Variants in PPARA observed in about 807,000 individuals in gnomAD.
The protein encoded by PPARA is peroxisome proliferator-activated receptor alpha.
In PPARA, 22 loss-of-function variants were observed where a neutral mutation model predicts 42.2. That is an observed-to-expected ratio of 0.52 (90% CI 0.37 to 0.74). The LOEUF (loss-of-function observed/expected upper bound fraction) is 0.74. Among genes scored for constraint, PPARA ranks in the 30% least tolerant of loss-of-function variants. PPARA has a pLI of 0.00. For synonymous variants in PPARA, 242 were observed against 239.3 expected (o/e 1.01, Z -0.10); for missense variants, 465 against 608.2 (o/e 0.76, Z 2.48).
intron 4 of PPARA, among the ~76,000 whole-genome samples, chr22:46,213,921 C>T (rs1435143353): frequency 6.6e-6 from 1 of 152,182 alleles, no homozygotes; most frequent in East Asian, 1.9e-4. Context: ...TGTTTTAAGA[C>T]CTCTTTGTAT....
chr22:46,164,522 G>A (rs1438554041), intron 2 of PPARA: 3 of 152,222 alleles, frequency 2.0e-5, no homozygotes, highest in South Asian at 4.1e-4. Context: ...CAAAGTGCTG[G>A]GATTACAGGC....
rs996973642 is a variant in PPARA, at chr22:46,227,431, T to C, written c.712-4361T>C. On this transcript the variant is annotated intron_variant, in intron 7 of 8. Transcript: ENST00000407236. The surrounding 1 kb of genome is among the most constrained non-coding windows in gnomAD (Gnocchi z 4.3). ...CACACCCGACTAATTTTTGTATTTT[T>C]AGTAGACACGGGCTTTTGCCATGTT... 6.6e-6 allele frequency among the ~76,000 whole-genome samples: 1 copy of C among 152,200 alleles called. No homozygotes were observed. Among genetic ancestry groups the C allele is most frequent in the Non-Finnish European group, 1.5e-5 (1 of 68,038 alleles).
rs1166509318 is a variant in PPARA, at chr22:46,238,957, T to G, written c.*3577T>G. On this transcript the variant is annotated 3_prime_UTR_variant, in exon 9 of 9. Coordinates refer to ENST00000407236, the MANE Select transcript of PPARA (RefSeq NM_005036.6). This position sits in a 1 kb window ranked among gnomAD's most constrained non-coding sequence, Gnocchi z 8.3. ...TTTCTTCCCACCTCGCTTGCCTGTT[T>G]CCGCTTGACCCTTCCTCCAGCTCCG... The G allele has an allele frequency of 6.6e-6, 1 of 152,264 alleles. No homozygotes were observed. The highest frequency in any genetic ancestry group is 1.9e-4 in the East Asian group (1 of 5,192). The allele number at this position is 152,264 out of a possible 1,614,324, so 9.4% of individuals were successfully genotyped here. A position where few individuals can be genotyped will look rare whatever the true frequency, so the allele number is the denominator to read the frequency against.
rs1020840692 is a variant in PPARA, at chr22:46,182,361, G to A, written c.-43+5525G>A. ...AAACTGTGGTTATCCATACAATGGA[G>A]TATTACTTTGCAATCAAAAGGAATG... is the stretch of plus-strand genomic sequence containing the variant. On this transcript the variant is annotated intron_variant, in intron 3 of 8. Transcript: ENST00000407236. This position sits in a 1 kb window ranked among gnomAD's most constrained non-coding sequence, Gnocchi z 5.2. 6.6e-6 allele frequency among the ~76,000 whole-genome samples: 1 copy of A among 152,206 alleles called. No individual in the cohort carries two copies. The highest frequency in any genetic ancestry group is 2.4e-5 in the African/African-American group (1 of 41,448).
At chr22:46,155,006 AAAAAAAAAAAAAAAAAAAAAAC>A (rs1485488361) in intron 2 of PPARA, 9 of 140,542 alleles carry the variant, frequency 6.4e-5, no homozygotes, top group Non-Finnish European at 7.5e-5. Flanking sequence ...AAAAAAAAAA[AAAAAAAAAAAAAAAAAAAAAAC>A]CACATTAATT....
At position 46,182,484 on chromosome 22, in the gene PPARA, T is replaced by C. The variant is rs1042662229; in HGVS notation, c.-43+5648T>C. On this transcript the variant is annotated intron_variant, in intron 3 of 8. Transcript: ENST00000407236. This position sits in a 1 kb window ranked among gnomAD's most constrained non-coding sequence, Gnocchi z 5.2. ...AAGTATAATACATACTGCTTGATTC[T>C]ATTTGTATAAAACTAGAAAGTACAA... 3.7e-4 allele frequency among the ~76,000 whole-genome samples: 57 copies of C among 152,210 alleles called. No individual in the cohort carries two copies. Among genetic ancestry groups the C allele is most frequent in the African/African-American group, 1.3e-3 (54 of 41,454 alleles).
intron 2 of PPARA, among the ~76,000 whole-genome samples, chr22:46,153,163 C>CTTTTTTTTTTTTT (rs996863467): frequency 1.2e-4 from 13 of 109,218 alleles, no homozygotes; most frequent in East Asian, 2.6e-4. Flanking sequence ...TTCCCACATC[C>CTTTTTTTTTTTTT]TTTTTTTTTT....
In PPARA at chr22:46,241,977, A is replaced by T. The variant is rs1005732388; in HGVS notation, c.*6597A>T. 6.6e-6 allele frequency: 1 copy of T among 151,648 alleles called. No homozygotes were observed. Among genetic ancestry groups the T allele is most frequent in the African/African-American group, 2.4e-5 (1 of 41,232 alleles). The allele number at this position is 151,648 out of a possible 1,614,324, so 9.4% of individuals were successfully genotyped here. ...TTTACATCAGAGATAGCAAACTAAG[A>T]CCTGGGGAGGGGGGTCAGCTTTTAT... On this transcript the variant is annotated 3_prime_UTR_variant, in exon 9 of 9. Transcript: ENST00000407236. The surrounding 1 kb of genome is among the most constrained non-coding windows in gnomAD (Gnocchi z 5.7).
chr22:46,214,320 G>T (rs1269284052), intron 4 of PPARA, among the ~76,000 whole-genome samples: 1 of 151,904 alleles, frequency 6.6e-6, no homozygotes, highest in Non-Finnish European at 1.5e-5. Context: ...CCGATGTGTG[G>T]GTCCGGAGAT....
At chr22:46,213,317 A>G (rs1305076678) in intron 4 of PPARA, among the ~76,000 whole-genome samples, 1 of 151,450 alleles carries the variant, frequency 6.6e-6, no homozygotes, top group Admixed American at 6.6e-5. Context: ...CATGCTGAGC[A>G]TTGTTTCATA....
intron 4 of PPARA, among the ~76,000 whole-genome samples, chr22:46,205,284 T>C (rs1295482140): frequency 6.6e-6 from 1 of 150,708 alleles, no homozygotes; most frequent in East Asian, 1.9e-4. Context: ...TGGCATGATC[T>C]CAGCTCACTG....
rs559444008 is a variant in PPARA at position 46,220,235 on chromosome 22, A to G, written c.711+221A>G. 8 of 613,912 alleles carry G rather than the reference A, an allele frequency of 1.3e-5. No individual in the cohort carries two copies. The East Asian group carries it at 2.4e-4, about 18-fold the overall frequency. 38.0% of individuals were successfully genotyped at this position (613,912 alleles called of 1,614,324 possible). ...AGCCACCTCAAAGCTCTTAGCAACT[A>G]AGTTATTATACTGGCTATGTAATTA... On this transcript the variant is annotated intron_variant, in intron 7 of 8. Transcript: ENST00000407236.
intron 5 of PPARA, among the ~76,000 whole-genome samples, chr22:46,217,871 C>T (rs1601782559): frequency 1.6e-5 from 2 of 125,654 alleles, no homozygotes; most frequent in East Asian, 2.4e-4. Context: ...CACTCTGTCG[C>T]GCAGGCTGGA....
intron 2 of PPARA, among the ~76,000 whole-genome samples, chr22:46,166,618 C>CAAAAAAAA (rs60478706): frequency 9.4e-6 from 1 of 105,892 alleles, no homozygotes; most frequent in African/African-American, 3.4e-5. Flanking sequence ...ACTACCATCT[C>CAAAAAAAA]AAAAAAAAAA....
chr22:46,169,466 T>G (rs1464088338), intron 2 of PPARA, among the ~76,000 whole-genome samples: 1 of 151,848 alleles, frequency 6.6e-6, no homozygotes, highest in African/African-American at 2.4e-5. Flanking sequence ...GATCTCCTGC[T>G]GTCGTGATCT....
intron 7 of PPARA, among the ~76,000 whole-genome samples, chr22:46,226,485 G>A (rs1935464410): frequency 6.6e-6 from 1 of 152,188 alleles, no homozygotes; most frequent in Non-Finnish European, 1.5e-5. Flanking sequence ...GGCGTGCCGT[G>A]TTATTTTTTC....
chr22:46,238,240 AT>A lies in PPARA; in HGVS notation c.*2863del, dbSNP rs1936274806. ...ATAGGGAAGGAAATCAGGCATTCCT[AT>A]TTCTTTAAATAACAAAACCACTAAT... On this transcript the variant is annotated 3_prime_UTR_variant, in exon 9 of 9. Coordinates refer to ENST00000407236, the MANE Select transcript of PPARA (RefSeq NM_005036.6). The surrounding 1 kb of genome is among the most constrained non-coding windows in gnomAD (Gnocchi z 8.3). 1 of 152,186 alleles carries A rather than the reference AT, an allele frequency of 6.6e-6. No individual in the cohort carries two copies. Among genetic ancestry groups the A allele is most frequent in the Non-Finnish European group, 1.5e-5 (1 of 68,034 alleles). The allele number at this position is 152,186 out of a possible 1,614,324, so 9.4% of individuals were successfully genotyped here. A position where few individuals can be genotyped will look rare whatever the true frequency, so the allele number is the denominator to read the frequency against.
rs1936165008 is a variant in PPARA, at chr22:46,235,615, T to A, written c.*235T>A. 2 of 558,116 alleles carry A rather than the reference T, an allele frequency of 3.6e-6. No individual in the cohort carries two copies. The highest frequency in any genetic ancestry group is 6.4e-6 in the Non-Finnish European group (2 of 312,786). The allele number at this position is 558,116 out of a possible 1,614,324, so 34.6% of individuals were successfully genotyped here. On this transcript the variant is annotated 3_prime_UTR_variant, in exon 9 of 9. Coordinates refer to ENST00000407236, the MANE Select transcript of PPARA (RefSeq NM_005036.6). The surrounding 1 kb of genome is among the most constrained non-coding windows in gnomAD (Gnocchi z 7.0). ...TGGCTAATCTCAGGACTGGGAAGAT[T>A]ACGGCGAATTATGCTCAATGGTCTG...
chr22:46,156,027 G>A lies in PPARA; in HGVS notation c.-127+4057G>A, dbSNP rs1411823401. ...ATAGTGATATTACGGTGTCTTAAAAGTTTATGCATTTGAAAAGAAAAGAAC... is the reference window on the plus strand; with the variant it reads ...ATAGTGATATTACGGTGTCTTAAAAATTTATGCATTTGAAAAGAAAAGAAC... On this transcript the variant is annotated intron_variant, in intron 2 of 8. Coordinates refer to ENST00000407236, the MANE Select transcript of PPARA (RefSeq NM_005036.6). The surrounding 1 kb of genome is among the most constrained non-coding windows in gnomAD (Gnocchi z 5.2). 2 of 152,190 alleles carry A rather than the reference G, an allele frequency of 1.3e-5. No homozygotes were observed. Among genetic ancestry groups the A allele is most frequent in the African/African-American group, 4.8e-5 (2 of 41,458 alleles). 9.4% of individuals were successfully genotyped at this position (152,190 alleles called of 1,614,324 possible).
Sources: gnomAD v4.1 joint callset for allele counts (sites outside exome capture counted in the v4.1 genomes callset) on GRCh38, gnomAD v4.1.1 for gene constraint, Gnocchi (gnomAD v3.1) non-coding constraint, MANE v1.5 for transcripts, NCBI Gene and HGNC (gene_info 2026-07-23, HGNC 2026-07-21) for gene names.